Variants in GRAP2 observed in about 807,000 individuals in gnomAD.
The protein encoded by GRAP2 is GRB2 related adaptor protein 2.
A neutral mutation model predicts 43.5 loss-of-function variants in GRAP2; 31 were observed. That is an observed-to-expected ratio of 0.71 (90% confidence interval 0.54 to 0.96). The LOEUF (loss-of-function observed/expected upper bound fraction) is 0.96. Among genes scored for constraint, GRAP2 ranks in the 40% least tolerant of loss-of-function variants. The probability of loss-of-function intolerance (pLI) is 0.00; values close to 1 mark genes in which losing one functional copy is unlikely to be tolerated. For synonymous variants in GRAP2, 156 were observed against 164.8 expected (o/e 0.95, Z 0.41); for missense variants, 371 against 424.4 (o/e 0.87, Z 1.11).
At chr22:39,968,595 T>TCAGCCTCCCAAAGTGCTGGGATTA in intron 6 of GRAP2, 1 of 393,818 alleles carries the variant, frequency 2.5e-6, no homozygotes, top group Non-Finnish European at 4.5e-6. Context: ...TTCATGCCCC[T>TCAGCCTCCCAAAGTGCTGGGATTA]TAGCCCATCT....
chr22:39,952,095 C>T (rs567500916), intron 2 of GRAP2, among the ~76,000 whole-genome samples: 177 of 149,672 alleles, frequency 1.2e-3, no homozygotes, highest in African/African-American at 2.9e-3. Flanking sequence ...GGCGCAATCT[C>T]GGCTCACTGC....
chr22:39,939,849 C>T (rs954709069), intron 1 of GRAP2, among the ~76,000 whole-genome samples: 1 of 152,114 alleles, frequency 6.6e-6, no homozygotes, highest in Non-Finnish European at 1.5e-5. Context: ...GTGGAGGTTG[C>T]AGTGAGCTGA....
rs75632486 is a variant in GRAP2, at chr22:39,959,135, G to A, written c.171-920G>A. ...ATGTGACACAGTCCCACCTTTGGCC[G>A]CTGAGTGATTGCAGACACTCATTTT... On this transcript the variant is annotated intron_variant, in intron 3 of 7. Coordinates refer to ENST00000344138, the MANE Select transcript of GRAP2 (RefSeq NM_004810.4). Among the ~76,000 whole-genome samples the A allele has an allele frequency of 2.8e-3, 431 of 152,306 alleles. 3 individuals carry two copies. The highest frequency in any genetic ancestry group is 0.01 in the African/African-American group (419 of 41,550).
intron 1 of GRAP2, among the ~76,000 whole-genome samples, chr22:39,922,455 G>A (rs1333847739): frequency 6.6e-6 from 1 of 152,198 alleles, no homozygotes; most frequent in African/African-American, 2.4e-5. Flanking sequence ...GGGCTGCTGT[G>A]ACTGAGGCAC....
intron 1 of GRAP2, among the ~76,000 whole-genome samples, chr22:39,927,615 T>A (rs1021951381): frequency 5.9e-5 from 9 of 152,190 alleles, no homozygotes; most frequent in African/African-American, 2.2e-4. Flanking sequence ...ACTGATCTCA[T>A]GGCTGGATTT....
chr22:39,895,630 A>G, the GRAP2 span, among the ~76,000 whole-genome samples: 1 of 152,224 alleles, frequency 6.6e-6, no homozygotes, highest in Non-Finnish European at 1.5e-5. Context: ...AGTAGGCGTT[A>G]TTATCCCATT....
chr22:39,951,738 G>T (rs1471760212), intron 2 of GRAP2, among the ~76,000 whole-genome samples: 1 of 152,008 alleles, frequency 6.6e-6, no homozygotes, highest in Non-Finnish European at 1.5e-5. Context: ...GGGGCCCTGG[G>T]CCCACAACGG....
rs369236185 is a variant in GRAP2, at chr22:39,966,185, A to G, written c.459+27A>G. On this transcript the variant is annotated intron_variant, in intron 5 of 7. Coordinates refer to ENST00000344138, the MANE Select transcript of GRAP2 (RefSeq NM_004810.4). ...TATGCTCCAGATCCAGTCGACCCCA[A>G]TCTAGAGATTTTAGGCAGCCTGAGT... The G allele has an allele frequency of 1.4e-5, 23 of 1,598,878 alleles. No homozygotes were observed. In the Middle Eastern group the frequency reaches 5.0e-4, roughly 35 times the overall value.
At chr22:39,942,481 C>T (rs1043284905) in intron 1 of GRAP2, among the ~76,000 whole-genome samples, 1 of 152,152 alleles carries the variant, frequency 6.6e-6, no homozygotes, top group Admixed American at 6.6e-5. Flanking sequence ...ATACAAGATA[C>T]ACTAATAAAA....
intron 3 of GRAP2, 65 bp downstream of exon 3, chr22:39,955,975 C>T: frequency 1.2e-6 from 1 of 824,772 alleles, no homozygotes; most frequent in Admixed American, 1.7e-5. Flanking sequence ...TTCCAGCAGT[C>T]ACTACAGTTA....
At chr22:39,920,728 G>A (rs756808833) in intron 1 of GRAP2, among the ~76,000 whole-genome samples, 7 of 152,012 alleles carry the variant, frequency 4.6e-5, no homozygotes, top group Non-Finnish European at 5.9e-5. Context: ...AGTAAGTTCC[G>A]TCACTCTGGA....
Position 39,955,043 on chromosome 22 carries a change from A to G in GRAP2, c.79-776A>G, listed in dbSNP as rs138751911. 9.0e-3 allele frequency among the ~76,000 whole-genome samples: 1,368 copies of G among 152,340 alleles called. 17 individuals carry two copies. Among genetic ancestry groups the G allele is most frequent in the African/African-American group, 0.031 (1,299 of 41,564 alleles). Reference sequence around the variant, plus strand: ...TGTTTAAGTTTTAATCTGCCTGTTTAAAAAACAATAACAAATTGAATTTTT... The same window carrying G: ...TGTTTAAGTTTTAATCTGCCTGTTTGAAAAACAATAACAAATTGAATTTTT... On this transcript the variant is annotated intron_variant, in intron 2 of 7. Transcript: ENST00000344138.
At chr22:39,963,719 C>T (rs1308406790) in intron 4 of GRAP2, among the ~76,000 whole-genome samples, 1 of 152,170 alleles carries the variant, frequency 6.6e-6, no homozygotes, top group East Asian at 1.9e-4. Context: ...CTAAATCCAT[C>T]CCTAAGAAAC....
chr22:39,952,454 A>G (rs2066995547), intron 2 of GRAP2, among the ~76,000 whole-genome samples: 1 of 152,164 alleles, frequency 6.6e-6, no homozygotes. Flanking sequence ...TTCCAATGCC[A>G]TGAATTCAGA....
chr22:39,903,979 T>A (rs1385791934), intron 1 of GRAP2, among the ~76,000 whole-genome samples: 2 of 152,238 alleles, frequency 1.3e-5, no homozygotes, highest in Non-Finnish European at 2.9e-5. Flanking sequence ...TGTTTTCTTT[T>A]TAAATATGTA....
chr22:39,947,342 A>C, intron 2 of GRAP2, 158 bp downstream of exon 2: 2 of 623,584 alleles, frequency 3.2e-6, no homozygotes, highest in South Asian at 1.9e-5. Context: ...GACACCAACC[A>C]GGCCGGGTGA....
chr22:39,897,459 C>A (rs137956), upstream of GRAP2, among the ~76,000 whole-genome samples: 1 of 151,510 alleles, frequency 6.6e-6, no homozygotes, highest in African/African-American at 2.4e-5. Context: ...TCCCACCACT[C>A]ACATCATCCT....
At chr22:39,916,696 A>C (rs181259546) in intron 1 of GRAP2, among the ~76,000 whole-genome samples, 136 of 152,366 alleles carry the variant, frequency 8.9e-4, no homozygotes, top group Non-Finnish European at 1.2e-4. Context: ...ACACAATGCC[A>C]GGTCACATTG....
intron 1 of GRAP2, among the ~76,000 whole-genome samples, chr22:39,908,688 C>CA (rs2066539077): frequency 6.6e-6 from 1 of 152,222 alleles, no homozygotes; most frequent in Non-Finnish European, 1.5e-5. Context: ...GACATCACCA[C>CA]TCTCCCTTGG....
Sources: allele counts gnomAD v4.1 joint callset (sites outside exome capture counted in the v4.1 genomes callset), GRCh38; gene constraint gnomAD v4.1.1; transcripts MANE v1.5; gene names NCBI Gene and HGNC (gene_info 2026-07-23, HGNC 2026-07-21).